DLGAP1: variants seen among roughly 807,000 people sequenced by gnomAD.
DLGAP1 encodes DLG associated protein 1.
Under a neutral mutation model 90.8 loss-of-function variants are expected in DLGAP1, and 11 were observed. The ratio of observed to expected loss-of-function variants is 0.12; its 90% confidence interval spans 0.08 to 0.20. The LOEUF is 0.20. DLGAP1 is among the 10% of genes least tolerant of loss of function. The pLI is 1.00. For missense variants in DLGAP1, 1,050 were observed against 1,333.8 expected, an observed-to-expected ratio of 0.79 and a Z score of 3.31; for synonymous variants, 558 against 540.7, an observed-to-expected ratio of 1.03 and a Z score of -0.44.
chr18:3,510,337 G>A (rs2050470861), intron 10 of DLGAP1, among the ~76,000 whole-genome samples: 1 of 152,220 alleles, frequency 6.6e-6, no homozygotes, highest in African/African-American at 2.4e-5. Flanking sequence ...TTTACAGTAA[G>A]TACTTAATAA....
intron 1 of DLGAP1, among the ~76,000 whole-genome samples, chr18:4,313,115 C>T (rs2080442514): frequency 6.6e-6 from 1 of 152,214 alleles, no homozygotes; most frequent in African/African-American, 2.4e-5. Context: ...CAAATGTTTA[C>T]TGCTTGCAAT....
chr18:4,109,741 G>A (rs975702423), intron 2 of DLGAP1, among the ~76,000 whole-genome samples: 1 of 151,982 alleles, frequency 6.6e-6, no homozygotes, highest in Non-Finnish European at 1.5e-5. Flanking sequence ...TTTAATGAAT[G>A]TAATCACCAT....
At chr18:3,677,960 G>GTTTTTT (rs71160908) in intron 7 of DLGAP1, among the ~76,000 whole-genome samples, 95 of 81,192 alleles carry the variant, frequency 1.2e-3, no homozygotes, top group African/African-American at 4.0e-3. Context: ...TGCCCGGTGG[G>GTTTTTT]TTTTTTTTTT....
intron 1 of DLGAP1, among the ~76,000 whole-genome samples, chr18:4,176,660 C>G (rs1344534489): frequency 6.6e-6 from 1 of 152,182 alleles, no homozygotes; most frequent in Non-Finnish European, 1.5e-5. Context: ...GATATTAATA[C>G]TATTACTAAT....
intron 1 of DLGAP1, among the ~76,000 whole-genome samples, chr18:4,404,234 A>G (rs1280290653): frequency 2.0e-5 from 3 of 152,208 alleles, no homozygotes; most frequent in Admixed American, 6.5e-5. Flanking sequence ...TCTTTAGGAT[A>G]TTAATTAATG....
intron 2 of DLGAP1, among the ~76,000 whole-genome samples, chr18:4,028,441 T>G (rs1424875777): frequency 2.6e-5 from 4 of 152,206 alleles, no homozygotes; most frequent in Admixed American, 6.5e-5. Context: ...GATCTCAGTT[T>G]TAAAAAAGCA....
chr18:4,252,599 CT>C (rs1227483134), intron 1 of DLGAP1, among the ~76,000 whole-genome samples: 3 of 152,146 alleles, frequency 2.0e-5, no homozygotes, highest in African/African-American at 4.8e-5. Flanking sequence ...CAGCAAATGG[CT>C]TACAAAACAG....
intron 5 of DLGAP1, among the ~76,000 whole-genome samples, chr18:3,782,565 T>A (rs1291366187): frequency 6.6e-6 from 1 of 152,232 alleles, no homozygotes; most frequent in Non-Finnish European, 1.5e-5. Context: ...CCCTTTAGAA[T>A]GGCCCAAGTT....
At chr18:3,799,534 C>T (rs2066186338) in intron 5 of DLGAP1, among the ~76,000 whole-genome samples, 1 of 146,586 alleles carries the variant, frequency 6.8e-6, no homozygotes, top group Admixed American at 6.9e-5. Context: ...AACACAAAAA[C>T]ATTGTTAATA....
intron 3 of DLGAP1, among the ~76,000 whole-genome samples, chr18:3,933,302 T>C (rs1330126342): frequency 2.6e-5 from 4 of 152,298 alleles, no homozygotes; most frequent in Non-Finnish European, 4.4e-5. Flanking sequence ...GTGAATAAAA[T>C]GATCAGCAAA....
intron 7 of DLGAP1, among the ~76,000 whole-genome samples, chr18:3,595,973 T>C (rs146046054): frequency 2.6e-5 from 4 of 152,248 alleles, no homozygotes; most frequent in African/African-American, 9.6e-5. Context: ...TCTTCCTGGG[T>C]TGAATGGACT....
intron 1 of DLGAP1, among the ~76,000 whole-genome samples, chr18:4,444,045 C>G (rs72866400): frequency 6.6e-6 from 1 of 152,058 alleles, no homozygotes; most frequent in Non-Finnish European, 1.5e-5. Context: ...CTGGGTTAAC[C>G]GAACACACAC....
rs113209602 is a variant in DLGAP1, at chr18:4,125,395, CA to C, written c.-159+25784del. ...GAGCTGAGTCATAACAGATGCAGAG[CA>C]ATTCACCAGACAAAGGAGAGAAGCA... On this transcript the variant is annotated intron_variant, in intron 2 of 12. Coordinates refer to ENST00000315677, the MANE Select transcript of DLGAP1 (RefSeq NM_004746.4). 5.3e-3 allele frequency among the ~76,000 whole-genome samples: 808 copies of C among 152,250 alleles called. 9 individuals carry two copies. The highest frequency in any genetic ancestry group is 0.018 in the African/African-American group (762 of 41,540).
chr18:3,547,972 C>G (rs567826421), intron 9 of DLGAP1, among the ~76,000 whole-genome samples: 5 of 152,214 alleles, frequency 3.3e-5, no homozygotes, highest in Admixed American at 2.0e-4. Flanking sequence ...AAGCATCACA[C>G]TAAATGAAGG....
intron 1 of DLGAP1, among the ~76,000 whole-genome samples, chr18:4,265,253 T>G (rs1568479865): frequency 6.6e-6 from 1 of 151,474 alleles, no homozygotes; most frequent in Non-Finnish European, 1.5e-5. Flanking sequence ...ACTGCAAGCT[T>G]CACCTCCCAG....
intron 7 of DLGAP1, among the ~76,000 whole-genome samples, chr18:3,666,874 A>G (rs368683128): frequency 1.3e-5 from 2 of 152,188 alleles, no homozygotes; most frequent in Admixed American, 1.3e-4. Context: ...CTCCTGCCTC[A>G]GCCTCCGTAG....
At chr18:3,980,226 A>G (rs901651010) in intron 3 of DLGAP1, among the ~76,000 whole-genome samples, 2 of 152,164 alleles carry the variant, frequency 1.3e-5, no homozygotes, top group Non-Finnish European at 2.9e-5. Context: ...GGAGAAGAGG[A>G]GAGGCTGCAG....
chr18:3,903,829 T>G (rs1356211538), intron 3 of DLGAP1, among the ~76,000 whole-genome samples: 1 of 152,232 alleles, frequency 6.6e-6, no homozygotes, highest in Non-Finnish European at 1.5e-5. Flanking sequence ...TCATACCAGA[T>G]GCCTCATTGG....
At chr18:4,323,648 AAAC>A (rs2080749423) in intron 1 of DLGAP1, among the ~76,000 whole-genome samples, 1 of 152,210 alleles carries the variant, frequency 6.6e-6, no homozygotes, top group Non-Finnish European at 1.5e-5. Context: ...TAAAAAAACA[AAAC>A]AAAACAAATC....
Sources: allele counts gnomAD v4.1 joint callset (sites outside exome capture counted in the v4.1 genomes callset), GRCh38; gene constraint gnomAD v4.1.1; transcripts MANE v1.5; gene names NCBI Gene and HGNC (gene_info 2026-07-23, HGNC 2026-07-21).